Variants in KIF1B observed in about 807,000 individuals in gnomAD.
KIF1B encodes kinesin-like protein KIF1B.
Under a neutral mutation model 241.9 loss-of-function variants are expected in KIF1B, and 76 were observed. The observed-to-expected ratio is 0.31, with a 90% CI of 0.26 to 0.38. The LOEUF (loss-of-function observed/expected upper bound fraction) is 0.38. Among genes scored for constraint, KIF1B ranks in the 10% least tolerant of loss-of-function variants. The pLI, the probability that KIF1B is intolerant of heterozygous loss-of-function variation, is 1.00. For missense variants in KIF1B, 1,622 were observed against 2,271.4 expected (o/e 0.71, Z 5.81); for synonymous variants, 750 against 796.7 (o/e 0.94, Z 0.99).
intron 1 of KIF1B, among the ~76,000 whole-genome samples, chr1:10,231,385 T>TC (rs1287573249): frequency 6.9e-6 from 1 of 144,034 alleles, no homozygotes; most frequent in East Asian, 2.0e-4. Flanking sequence ...GCCCTTTTTT[T>TC]TTTTTTTTTT....
chr1:10,233,551 G>C (rs1482262734), intron 2 of KIF1B, among the ~76,000 whole-genome samples: 1 of 151,986 alleles, frequency 6.6e-6, no homozygotes, highest in Admixed American at 6.6e-5. Context: ...CTAAACAGCT[G>C]TACCATTGTA....
At chr1:10,339,996 G>A (rs987677127) in intron 32 of KIF1B, 137 bp downstream of exon 32, 1 of 763,948 alleles carries the variant, frequency 1.3e-6, no homozygotes, top group African/African-American at 1.7e-5. Flanking sequence ...CGTGGCTAGA[G>A]TGGTGAGGTC....
chr1:10,321,795 C>T lies in KIF1B; in HGVS notation c.2296C>T (p.Leu766Phe), dbSNP rs1225030965. ...TCAGTTTACTTCATTACGGGACTTA[C>T]TCTGGGGCAATGCCGTGTACCTAAA... The part of the protein sequence containing the change: ...SHQFTSLRDL[L>F]WGNAVYLKEA... The change falls in exon 24 of 49, where the codon CTC (leucine) becomes TTC (phenylalanine). Residue 766 changes from leucine to phenylalanine, a missense_variant. Around this residue, in one of 7 missense-constraint regions of KIF1B, gnomAD observed 803 missense variants for 1,112.0 expected, o/e 0.72. Transcript: ENST00000676179. 1.9e-6 allele frequency: 3 copies of T among 1,614,114 alleles called. No individual in the cohort carries two copies. The highest frequency in any genetic ancestry group is 1.7e-5 in the Admixed American group (1 of 60,010).
intron 22 of KIF1B, chr1:10,304,247 G>T (rs752779744): frequency 6.2e-7 from 1 of 1,614,146 alleles, no homozygotes; most frequent in South Asian, 1.1e-5. Flanking sequence ...TTTCCATGGG[G>T]CTCTCAAGGA....
intron 4 of KIF1B, among the ~76,000 whole-genome samples, chr1:10,260,525 T>C (rs534708530): frequency 8.5e-5 from 13 of 152,346 alleles, no homozygotes; most frequent in East Asian, 5.8e-4. Context: ...TTATAAACTT[T>C]AAAATTTTTT....
At chr1:10,258,424 A>G in intron 3 of KIF1B, 69 bp from the exon 4 acceptor site, 1 of 1,498,340 alleles carries the variant, frequency 6.7e-7, no homozygotes, top group Non-Finnish European at 9.2e-7. Context: ...TTTATTATGG[A>G]AGCAATCAAG....
chr1:10,349,635 T>TA (rs1363611599), intron 37 of KIF1B, among the ~76,000 whole-genome samples: 3 of 151,934 alleles, frequency 2.0e-5, no homozygotes, highest in African/African-American at 7.3e-5. Context: ...TTTTTTTTTT[T>TA]TTCCAGACAC....
rs1418860856 is a variant in KIF1B, at chr1:10,379,615, A to G, written c.*3028A>G. Reference sequence around the variant, plus strand: ...GGAAACCACCTTTATGTATTTTCTTAAAGCACGCCTTTAAATAAGCAAAAA... The same window carrying G: ...GGAAACCACCTTTATGTATTTTCTTGAAGCACGCCTTTAAATAAGCAAAAA... On this transcript the variant is annotated 3_prime_UTR_variant, in exon 49 of 49. Transcript: ENST00000676179. The G allele has an allele frequency of 4.3e-6, 1 of 231,600 alleles. No individual in the cohort carries two copies. The highest frequency in any genetic ancestry group is 8.5e-6 in the Non-Finnish European group (1 of 117,120). The allele number at this position is 231,600 out of a possible 1,614,324, so 14.3% of individuals were successfully genotyped here.
chr1:10,296,366 G>A (rs182949936), intron 19 of KIF1B, among the ~76,000 whole-genome samples: 1 of 152,242 alleles, frequency 6.6e-6, no homozygotes, highest in East Asian at 1.9e-4. Flanking sequence ...ATCAAATAGA[G>A]TTAAATGTTC....
At chr1:10,348,852 T>C (rs1269271037) in intron 37 of KIF1B, 119 bp downstream of exon 37, 3 of 762,312 alleles carry the variant, frequency 3.9e-6, no homozygotes, top group Non-Finnish European at 6.9e-6. Context: ...CATAGCTCCC[T>C]GTAGCCTCAA....
At chr1:10,359,918 A>G (rs990378457) in intron 38 of KIF1B, among the ~76,000 whole-genome samples, 13 of 152,046 alleles carry the variant, frequency 8.6e-5, no homozygotes, top group Admixed American at 1.3e-4. Context: ...CTATAATCCC[A>G]GCTACTCAGG....
chr1:10,335,632 T>G (rs2102313819), intron 28 of KIF1B, among the ~76,000 whole-genome samples: 1 of 152,102 alleles, frequency 6.6e-6, no homozygotes, highest in South Asian at 2.1e-4. Flanking sequence ...GTTGTTTTTT[T>G]GTTTGTTTGT....
At chr1:10,343,821 G>A (rs1652489115) in intron 34 of KIF1B, among the ~76,000 whole-genome samples, 1 of 151,938 alleles carries the variant, frequency 6.6e-6, no homozygotes, top group African/African-American at 2.4e-5. Context: ...GAAACAATAG[G>A]GGGCCTTATC....
intron 2 of KIF1B, among the ~76,000 whole-genome samples, chr1:10,243,561 C>A (rs1434675213): frequency 6.6e-6 from 1 of 152,156 alleles, no homozygotes; most frequent in Non-Finnish European, 1.5e-5. Flanking sequence ...GTACTCTTTC[C>A]CCATTTCACA....
chr1:10,335,625 G>T (rs10864452), intron 28 of KIF1B, among the ~76,000 whole-genome samples: 77,397 of 148,320 alleles, frequency 0.52, 20,568 homozygotes, highest in African/African-American at 0.67. Context: ...CTTAGTTGTT[G>T]TTTTTTTGTT....
chr1:10,292,946 C>A (rs1178981669), intron 17 of KIF1B, among the ~76,000 whole-genome samples: 3 of 152,088 alleles, frequency 2.0e-5, no homozygotes, highest in Non-Finnish European at 4.4e-5. Context: ...CATCTTTATT[C>A]ATAGGTTCTG....
At chr1:10,355,448 T>G (rs2102337797) in intron 38 of KIF1B, 1 of 152,770 alleles carries the variant, frequency 6.5e-6, no homozygotes, top group African/African-American at 2.4e-5. Flanking sequence ...TCAGAATGCT[T>G]TCTGTCTTAT....
At chr1:10,318,503 TGA>T (rs1260407785) in intron 22 of KIF1B, among the ~76,000 whole-genome samples, 1 of 151,460 alleles carries the variant, frequency 6.6e-6, no homozygotes, top group Non-Finnish European at 1.5e-5. Context: ...GGGCAGATCG[TGA>T]GGTCAGGAGT....
intron 28 of KIF1B, among the ~76,000 whole-genome samples, chr1:10,335,298 G>A (rs1652123683): frequency 6.6e-6 from 1 of 152,124 alleles, no homozygotes; most frequent in African/African-American, 2.4e-5. Context: ...TATTGCCCAG[G>A]CTGGAGCGCA....
Sources: allele counts gnomAD v4.1 joint callset (sites outside exome capture counted in the v4.1 genomes callset), GRCh38; gene constraint gnomAD v4.1.1; regional missense constraint gnomAD v4.1.1; transcripts MANE v1.5; gene names NCBI Gene and HGNC (gene_info 2026-07-23, HGNC 2026-07-21).